The following CCSER1 variants were observed in gnomAD, a reference collection of about 807,000 sequenced individuals.
The protein encoded by CCSER1 is serine-rich coiled-coil domain-containing protein 1.
A neutral mutation model predicts 82.0 loss-of-function variants in CCSER1; 41 were observed. The observed-to-expected ratio is 0.50, with a 90% CI of 0.39 to 0.65. The LOEUF (loss-of-function observed/expected upper bound fraction) is 0.65. CCSER1 is among the 30% of genes least tolerant of loss of function. The pLI is 0.00. For missense variants in CCSER1, 1,119 were observed against 1,064.2 expected (o/e 1.05, Z -0.72); for synonymous variants, 414 against 383.9 (o/e 1.08, Z -0.92).
At chr4:90,376,242 A>G (rs954962385) in intron 3 of CCSER1, among the ~76,000 whole-genome samples, 1 of 152,144 alleles carries the variant, frequency 6.6e-6, no homozygotes, top group African/African-American at 2.4e-5. Context: ...TTATTATTGC[A>G]CACCCTATGT....
chr4:90,303,528 C>A (rs1009826983), intron 1 of CCSER1, among the ~76,000 whole-genome samples: 6 of 152,072 alleles, frequency 3.9e-5, no homozygotes, highest in Non-Finnish European at 8.8e-5. Flanking sequence ...TTTGACAAAT[C>A]TGAGAAAAAC....
intron 1 of CCSER1, among the ~76,000 whole-genome samples, chr4:90,210,944 G>A (rs1431465954): frequency 2.6e-5 from 4 of 152,072 alleles, no homozygotes; most frequent in African/African-American, 7.2e-5. Context: ...GAATTCTGTT[G>A]TCTTATGGGA....
chr4:91,003,770 AG>A (rs1738257130), intron 9 of CCSER1, among the ~76,000 whole-genome samples: 1 of 152,140 alleles, frequency 6.6e-6, no homozygotes, highest in East Asian at 1.9e-4. Flanking sequence ...GTTAAAAAAA[AG>A]TTCGACTGGA....
chr4:91,413,551 A>T (rs1219032687), intron 10 of CCSER1, among the ~76,000 whole-genome samples: 1 of 152,028 alleles, frequency 6.6e-6, no homozygotes, highest in Non-Finnish European at 1.5e-5. Context: ...AGCATAAGGG[A>T]CCTATGGGAC....
At chr4:90,898,657 C>G (rs1019460838) in intron 8 of CCSER1, among the ~76,000 whole-genome samples, 1 of 151,890 alleles carries the variant, frequency 6.6e-6, no homozygotes, top group Non-Finnish European at 1.5e-5. Flanking sequence ...TTTAATTCTT[C>G]TGTATATAGC....
At position 91,449,325 on chromosome 4, in the gene CCSER1, AGTG is replaced by A. The variant is rs551319302; in HGVS notation, c.2218-149241_2218-149239del. 2.6e-3 allele frequency among the ~76,000 whole-genome samples: 390 copies of A among 152,128 alleles called. 3 individuals carry two copies. Among genetic ancestry groups the A allele is most frequent in the African/African-American group, 9.0e-3 (372 of 41,546 alleles). On this transcript the variant is annotated intron_variant, in intron 10 of 10. Transcript: ENST00000509176. ...TTCATTGAGTAAAAAAAATGAGAAA[AGTG>A]GTGGTAATTGAGAGTCCCAGGTTGA...
At chr4:91,505,397 A>G (rs1448503325) in intron 10 of CCSER1, among the ~76,000 whole-genome samples, 5 of 152,336 alleles carry the variant, frequency 3.3e-5, no homozygotes, top group East Asian at 1.9e-4. Context: ...TAGTGCTGCA[A>G]TGAACATATG....
At chr4:90,383,223 G>A (rs745452277) in intron 3 of CCSER1, among the ~76,000 whole-genome samples, 3 of 152,068 alleles carry the variant, frequency 2.0e-5, no homozygotes, top group Non-Finnish European at 2.9e-5. Context: ...GAAAGAAAAT[G>A]TCAAGTAAAA....
intron 6 of CCSER1, among the ~76,000 whole-genome samples, chr4:90,692,325 G>A (rs921817519): frequency 2.0e-5 from 3 of 151,794 alleles, no homozygotes; most frequent in African/African-American, 7.3e-5. Flanking sequence ...AAAGAAAAAT[G>A]CTGCTCATTT....
At chr4:90,883,046 C>T (rs1472892098) in intron 8 of CCSER1, among the ~76,000 whole-genome samples, 1 of 151,958 alleles carries the variant, frequency 6.6e-6, no homozygotes, top group Non-Finnish European at 1.5e-5. Context: ...AAAGCTAGGT[C>T]TAGAGAGGTA....
intron 10 of CCSER1, among the ~76,000 whole-genome samples, chr4:91,587,148 A>T (rs758614861): frequency 6.6e-6 from 1 of 151,712 alleles, no homozygotes. Context: ...TATAGAGTTG[A>T]TTTCTTAGAG....
intron 10 of CCSER1, among the ~76,000 whole-genome samples, chr4:91,090,176 C>T (rs1305169986): frequency 2.6e-5 from 4 of 152,098 alleles, no homozygotes; most frequent in Non-Finnish European, 4.4e-5. Context: ...TATGGCTATG[C>T]TTCATTTTTC....
intron 10 of CCSER1, among the ~76,000 whole-genome samples, chr4:91,594,334 CACATATATAT>C (rs1263605578): frequency 1.3e-4 from 19 of 146,144 alleles, no homozygotes; most frequent in Non-Finnish European, 2.2e-4. Context: ...TATATGTACA[CACATATATAT>C]ACATATATAT....
At chr4:90,822,448 G>T (rs1404937233) in intron 8 of CCSER1, among the ~76,000 whole-genome samples, 1 of 152,094 alleles carries the variant, frequency 6.6e-6, no homozygotes, top group Admixed American at 6.6e-5. Context: ...ATGTGTTTTG[G>T]CTGGGCCTGG....
chr4:91,127,293 C>T (rs984608171), intron 10 of CCSER1, among the ~76,000 whole-genome samples: 2 of 151,958 alleles, frequency 1.3e-5, no homozygotes, highest in East Asian at 1.9e-4. Context: ...TTGAGAGATC[C>T]TGAAAAATAT....
intron 5 of CCSER1, among the ~76,000 whole-genome samples, chr4:90,610,109 CG>C (rs1785253087): frequency 2.0e-5 from 3 of 151,736 alleles, no homozygotes; most frequent in African/African-American, 7.3e-5. Flanking sequence ...AAAAATTAGC[CG>C]GGCGTGGTGG....
At chr4:90,871,905 T>G (rs1429949930) in intron 8 of CCSER1, among the ~76,000 whole-genome samples, 1 of 151,940 alleles carries the variant, frequency 6.6e-6, no homozygotes, top group Non-Finnish European at 1.5e-5. Context: ...GACCCCTTTA[T>G]CATTAAATAA....
chr4:91,438,297 T>A (rs930214739), intron 10 of CCSER1, among the ~76,000 whole-genome samples: 1 of 152,258 alleles, frequency 6.6e-6, no homozygotes, highest in East Asian at 1.9e-4. Context: ...TCTAGAGGAA[T>A]GATCAGACAG....
chr4:90,313,071 T>C, intron 3 of CCSER1, 24 bp downstream of exon 3: 1 of 1,536,668 alleles, frequency 6.5e-7, no homozygotes, highest in Non-Finnish European at 8.9e-7. Context: ...TATGTCTGCC[T>C]CTAATAAAAT....
Sources: gnomAD v4.1 joint callset for allele counts (sites outside exome capture counted in the v4.1 genomes callset) on GRCh38, gnomAD v4.1.1 for gene constraint, MANE v1.5 for transcripts, NCBI Gene and HGNC (gene_info 2026-07-23, HGNC 2026-07-21) for gene names.